TAF2: variants seen among roughly 807,000 people sequenced by gnomAD.
TAF2 encodes transcription initiation factor TFIID subunit 2.
Under a neutral mutation model 138.5 loss-of-function variants are expected in TAF2, and 61 were observed. That is an observed-to-expected ratio of 0.44 (90% CI 0.36 to 0.54). The LOEUF is 0.54. TAF2 is among the 20% of genes least tolerant of loss of function. The probability of loss-of-function intolerance (pLI) is 0.00; values close to 1 mark genes in which losing one functional copy is unlikely to be tolerated. For synonymous variants in TAF2, 475 were observed against 469.9 expected (o/e 1.01, Z -0.14); for missense variants, 1,090 against 1,427.9 (o/e 0.76, Z 3.81).
chr8:119,756,692 A>G (rs943721737), intron 21 of TAF2, among the ~76,000 whole-genome samples: 17 of 152,302 alleles, frequency 1.1e-4, no homozygotes, highest in African/African-American at 3.8e-4. Context: ...TGAGGTTGAG[A>G]AGAGTATCCT....
intron 23 of TAF2, chr8:119,744,634 T>C (rs1013493093): frequency 7.7e-6 from 4 of 520,526 alleles, no homozygotes; most frequent in Non-Finnish European, 1.4e-5. Flanking sequence ...TCTACTCCTA[T>C]TTTGTGAGAA....
At chr8:119,741,716 A>G (rs1037267487) in intron 25 of TAF2, among the ~76,000 whole-genome samples, 2 of 152,252 alleles carry the variant, frequency 1.3e-5, no homozygotes, top group African/African-American at 4.8e-5. Flanking sequence ...TAATTTATAT[A>G]AGCAAAGTCC....
intron 3 of TAF2, among the ~76,000 whole-genome samples, chr8:119,817,259 C>T (rs561239310): frequency 6.6e-6 from 1 of 152,198 alleles, no homozygotes; most frequent in South Asian, 2.1e-4. Flanking sequence ...CTGTTAGGAA[C>T]CAGGCCACAC....
intron 22 of TAF2, among the ~76,000 whole-genome samples, chr8:119,748,632 AATATGC>A (rs1820140070): frequency 6.6e-6 from 1 of 152,266 alleles, no homozygotes. Flanking sequence ...CCCTTCCTGG[AATATGC>A]ATATGTGGAC....
intron 19 of TAF2, 127 bp from the exon 20 acceptor site, chr8:119,760,865 A>G (rs1213696396): frequency 8.1e-7 from 1 of 1,236,502 alleles, no homozygotes; most frequent in Non-Finnish European, 1.2e-6. Context: ...TCCACCTTCA[A>G]TTTTGTAATA....
chr8:119,734,878 G>C (rs1023837630), intron 25 of TAF2, among the ~76,000 whole-genome samples: 5 of 152,186 alleles, frequency 3.3e-5, no homozygotes, highest in Non-Finnish European at 7.3e-5. Flanking sequence ...TAATGGTTAA[G>C]CTGCAACCTA....
chr8:119,738,549 A>C lies in TAF2; in HGVS notation c.3337+3985T>G, dbSNP rs115915725. ...GGAGATACATTTAATTCACAATAAA[A>C]AAATTTTCCTATTTCATGTTATATG... On this transcript the variant is annotated intron_variant, in intron 25 of 25. Transcript: ENST00000378164. Among the ~76,000 whole-genome samples the C allele has an allele frequency of 4.7e-3, 711 of 152,324 alleles. 4 individuals carry two copies. Among genetic ancestry groups the C allele is most frequent in the African/African-American group, 0.017 (689 of 41,572 alleles).
At chr8:119,820,093 G>C (rs529039374) in intron 2 of TAF2, among the ~76,000 whole-genome samples, 2 of 152,132 alleles carry the variant, frequency 1.3e-5, no homozygotes, top group Non-Finnish European at 2.9e-5. Flanking sequence ...GCCATATGTA[G>C]TTCTACCATG....
rs547051761 is a variant in TAF2 at position 119,811,360 on chromosome 8, A to T, written c.300-4959T>A. Among the ~76,000 whole-genome samples the T allele has an allele frequency of 1.6e-3, 248 of 152,278 alleles. 1 individual carries two copies. The highest frequency in any genetic ancestry group is 5.6e-3 in the African/African-American group (234 of 41,566). On this transcript the variant is annotated intron_variant, in intron 3 of 25. Coordinates refer to ENST00000378164, the MANE Select transcript of TAF2 (RefSeq NM_003184.4). ...TGTAAACTTTCCCTCTATTTAAAAA[A>T]TTTTTTATAGAAGTAAACTTTTATG... is the stretch of plus-strand genomic sequence containing the variant.
chr8:119,797,993 T>C (rs1363966378), intron 6 of TAF2, 147 bp from the exon 7 acceptor site: 2 of 796,910 alleles, frequency 2.5e-6, no homozygotes, highest in Non-Finnish European at 4.0e-6. Context: ...GTTGTGAAAA[T>C]AGTGATCACT....
rs1822627285 is a variant in TAF2 at position 119,781,207 on chromosome 8, G to A, written c.2113-14C>T. 8.1e-6 allele frequency: 13 copies of A among 1,613,752 alleles called. No homozygotes were observed. Among genetic ancestry groups the A allele is most frequent in the Non-Finnish European group, 1.1e-5 (13 of 1,179,904 alleles). On this transcript the variant is annotated splice_polypyrimidine_tract_variant and intron_variant, in intron 16 of 25. Transcript: ENST00000378164. ...TGAATTTGCAATCTGCAAATAATTA[G>A]AAAACAAAGTAATTTCCATTACCAA...
intron 14 of TAF2, among the ~76,000 whole-genome samples, chr8:119,788,079 G>A (rs1353472023): frequency 1.3e-5 from 2 of 152,062 alleles, no homozygotes; most frequent in Non-Finnish European, 2.9e-5. Flanking sequence ...CACACACCGG[G>A]GCCTGTCAGG....
rs1459125481 is a variant in TAF2, at chr8:119,758,111, T to C, written c.2730A>G (p.Leu910=). The change falls in exon 21 of 26, where the codon CTA becomes CTG. Residue 910 remains leucine, a synonymous_variant. Transcript: ENST00000378164. ...CAGGGTCATTCTGAATCATATTAAG[T>C]AGCCATTGCAGTTCTTCATAACTTC... is the stretch of plus-strand genomic sequence containing the variant. ...VDRSYEELQW[L]LNMIQNDPVP... is the part of the protein sequence containing the mutation. 3 of 1,613,178 alleles carry C rather than the reference T, an allele frequency of 1.9e-6. No homozygotes were observed. The highest frequency in any genetic ancestry group is 2.2e-5 in the East Asian group (1 of 44,748).
chr8:119,773,592 T>C (rs1387819478), intron 18 of TAF2, among the ~76,000 whole-genome samples: 1 of 151,586 alleles, frequency 6.6e-6, no homozygotes, highest in Non-Finnish European at 1.5e-5. Context: ...ATGAGGAAGA[T>C]GGATCCATTT....
At chr8:119,776,759 C>A (rs1291335230) in intron 18 of TAF2, among the ~76,000 whole-genome samples, 4 of 152,172 alleles carry the variant, frequency 2.6e-5, no homozygotes, top group Non-Finnish European at 5.9e-5. Flanking sequence ...TTCCTTCTGT[C>A]TAGAACAATC....
chr8:119,830,100 G>A (rs899305419), intron 2 of TAF2, among the ~76,000 whole-genome samples: 78 of 151,838 alleles, frequency 5.1e-4, no homozygotes, highest in South Asian at 8.3e-4. Context: ...GGGTTTCACC[G>A]TGTTAGCCAG....
Position 119,810,013 on chromosome 8 carries a change from A to AAAAC in TAF2, c.300-3613_300-3612insGTTT, listed in dbSNP as rs1352886731. Among the ~76,000 whole-genome samples the AAAAC allele has an allele frequency of 8.5e-4, 129 of 151,880 alleles. 3 individuals are homozygous for AAAAC. In the Middle Eastern group the frequency reaches 0.01, roughly 12 times the overall value. On this transcript the variant is annotated intron_variant, in intron 3 of 25. Transcript: ENST00000378164. ...CTTCAATTTGTAAAAAAAAAAAAAA[A>AAAAC]AAAACAGTATCTGCGAGGCACAACA...
At chr8:119,767,965 G>T (rs552849987) in intron 18 of TAF2, among the ~76,000 whole-genome samples, 1 of 152,162 alleles carries the variant, frequency 6.6e-6, no homozygotes, top group Non-Finnish European at 1.5e-5. Context: ...AGAGGGGGAG[G>T]CTGAGCACGT....
chr8:119,763,769 G>C (rs1040997436), intron 18 of TAF2, among the ~76,000 whole-genome samples: 4 of 151,948 alleles, frequency 2.6e-5, no homozygotes, highest in Admixed American at 2.6e-4. Context: ...TATTTAGCCT[G>C]GGTGACAGAG....
Sources: allele counts gnomAD v4.1 joint callset (sites outside exome capture counted in the v4.1 genomes callset), GRCh38; gene constraint gnomAD v4.1.1; transcripts MANE v1.5; gene names NCBI Gene and HGNC (gene_info 2026-07-23, HGNC 2026-07-21).